Variants in GALNT10 observed in about 807,000 individuals in gnomAD.
The protein encoded by GALNT10 is polypeptide N-acetylgalactosaminyltransferase 10, also known as GalNAc transferase 10.
Under a neutral mutation model 75.0 loss-of-function variants are expected in GALNT10, and 41 were observed. The observed-to-expected ratio is 0.55, with a 90% CI of 0.43 to 0.71. The LOEUF is 0.71. GALNT10 is among the 30% of genes least tolerant of loss of function. GALNT10 has a pLI of 0.00. For synonymous variants in GALNT10, 302 were observed against 313.0 expected (o/e 0.96, Z 0.37); for missense variants, 727 against 818.5 (o/e 0.89, Z 1.36).
chr5:154,381,928 C>A lies in GALNT10; in HGVS notation c.938+1297C>A, dbSNP rs368018411. ...TCCATCAGGCTCGCCAAGATAACCT[C>A]CCCACCACAAGATCCTTAACCTTAA... On this transcript the variant is annotated intron_variant, in intron 6 of 11. Coordinates refer to ENST00000297107, the MANE Select transcript of GALNT10 (RefSeq NM_198321.4). Among the ~76,000 whole-genome samples, 8 of 152,340 alleles carry A rather than the reference C, an allele frequency of 5.3e-5. No homozygotes were observed. In the East Asian group the frequency reaches 1.2e-3, roughly 22 times the overall value.
intron 1 of GALNT10, among the ~76,000 whole-genome samples, chr5:154,293,613 A>ATTTTTTTTTTTTTTTTTTTTTTTTTTTTT (rs1201863629): frequency 9.1e-6 from 1 of 109,358 alleles, no homozygotes; most frequent in Non-Finnish European, 1.9e-5. Context: ...ATATATATAT[A>ATTTTTTTTTTTTTTTTTTTTTTTTTTTTT]TTTTTTTTTT....
At chr5:154,401,342 G>A (rs2113208196) in intron 7 of GALNT10, among the ~76,000 whole-genome samples, 1 of 152,330 alleles carries the variant, frequency 6.6e-6, no homozygotes, top group South Asian at 2.1e-4. Context: ...CAGAAATAGA[G>A]CAGGGTAAGG....
Position 154,298,120 on chromosome 5 carries a change from T to C in GALNT10, c.401+41T>C. 6.3e-7 allele frequency: 1 copy of C among 1,582,732 alleles called. No individual in the cohort carries two copies. Among genetic ancestry groups the C allele is most frequent in the East Asian group, 2.2e-5 (1 of 44,560 alleles). ...CTCAAATTCTGAGATCTAAGGATGT[T>C]TCCCTGGCTGTTGTTGAGAATTAAT... On this transcript the variant is annotated intron_variant, in intron 3 of 11. Transcript: ENST00000297107. The surrounding 1 kb of genome is among the most constrained non-coding windows in gnomAD (Gnocchi z 4.1).
chr5:154,277,854 C>T (rs1398347986), intron 1 of GALNT10, among the ~76,000 whole-genome samples: 1 of 152,206 alleles, frequency 6.6e-6, no homozygotes, highest in African/African-American at 2.4e-5. Flanking sequence ...CTTCTGGCTT[C>T]TGAGAATTTG....
chr5:154,338,250 C>A (rs1262623128), intron 4 of GALNT10: 2 of 718,642 alleles, frequency 2.8e-6, no homozygotes, highest in East Asian at 2.5e-5. Context: ...GCATAGGTGG[C>A]AAACCCACAG....
At chr5:154,378,215 A>T (rs1755686002) in intron 5 of GALNT10, among the ~76,000 whole-genome samples, 1 of 152,190 alleles carries the variant, frequency 6.6e-6, no homozygotes, top group Non-Finnish European at 1.5e-5. Flanking sequence ...TAACACCTCC[A>T]TGCATAGCTC....
At chr5:154,341,432 T>A (rs1346957735) in intron 4 of GALNT10, among the ~76,000 whole-genome samples, 1 of 152,236 alleles carries the variant, frequency 6.6e-6, no homozygotes, top group Non-Finnish European at 1.5e-5. Flanking sequence ...TTATTGGGCA[T>A]TGTTAATAAT....
intron 1 of GALNT10, among the ~76,000 whole-genome samples, chr5:154,284,012 C>T (rs1754079709): frequency 6.6e-6 from 1 of 152,118 alleles, no homozygotes; most frequent in African/African-American, 2.4e-5. Flanking sequence ...CTGCTTTTAC[C>T]CTGGTGCAAC....
intron 3 of GALNT10, among the ~76,000 whole-genome samples, chr5:154,326,818 A>T (rs1754763465): frequency 6.6e-6 from 1 of 152,196 alleles, no homozygotes; most frequent in Non-Finnish European, 1.5e-5. Flanking sequence ...GGAATTAGAC[A>T]GTGGTTATAT....
At chr5:154,206,959 G>A (rs1258888310) in intron 1 of GALNT10, among the ~76,000 whole-genome samples, 4 of 152,254 alleles carry the variant, frequency 2.6e-5, no homozygotes, top group African/African-American at 7.2e-5. Flanking sequence ...TTCATCCACT[G>A]TGCCTTTCTG....
chr5:154,415,785 A>G lies in GALNT10; in HGVS notation c.1506A>G (p.Val502=). ...ATTTATGATGCCCCTGTGCACAGGTATTCACCTTCACCTGGAGAGAGGACA... is the reference window on the plus strand; with the variant it reads ...ATTTATGATGCCCCTGTGCACAGGTGTTCACCTTCACCTGGAGAGAGGACA... ...RGEAAWNNMQ[V]FTFTWREDIR... Residue 502 remains valine, a splice_region_variant and synonymous_variant, in exon 11 of 12, where the codon GTA becomes GTG. Transcript: ENST00000297107. 1 of 1,613,882 alleles carries G rather than the reference A, an allele frequency of 6.2e-7. No homozygotes were observed. The highest frequency in any genetic ancestry group is 8.5e-7 in the Non-Finnish European group (1 of 1,179,790).
chr5:154,208,788 G>A lies in GALNT10; in HGVS notation c.159+17763G>A, dbSNP rs1388485125. On this transcript the variant is annotated intron_variant, in intron 1 of 11. Transcript: ENST00000297107. ...ATTTACTGTAACAGGAGATTAGAGC[G>A]ATGAAAATTGGCTATTAAGAAGTGA... Among the ~76,000 whole-genome samples the A allele has an allele frequency of 4.6e-5, 7 of 152,164 alleles. No homozygotes were observed. In the East Asian group the frequency reaches 5.8e-4, roughly 13 times the overall value.
intron 1 of GALNT10, among the ~76,000 whole-genome samples, chr5:154,215,037 C>G (rs1039338666): frequency 6.6e-6 from 1 of 152,118 alleles, no homozygotes; most frequent in Non-Finnish European, 1.5e-5. Context: ...GATATGACTG[C>G]ATATATGTAT....
At chr5:154,358,071 A>G (rs1047928323) in intron 4 of GALNT10, among the ~76,000 whole-genome samples, 4 of 152,202 alleles carry the variant, frequency 2.6e-5, no homozygotes, top group African/African-American at 7.2e-5. Flanking sequence ...AGGTATTGGT[A>G]CCTCTACCCG....
At chr5:154,244,105 C>T (rs889390489) in intron 1 of GALNT10, among the ~76,000 whole-genome samples, 1 of 152,164 alleles carries the variant, frequency 6.6e-6, no homozygotes, top group African/African-American at 2.4e-5. Flanking sequence ...TGCCATGTTC[C>T]GCAACCTGCA....
intron 1 of GALNT10, among the ~76,000 whole-genome samples, chr5:154,278,078 C>A (rs2113049141): frequency 6.6e-6 from 1 of 152,322 alleles, no homozygotes; most frequent in East Asian, 1.9e-4. Context: ...ACGGATGCTT[C>A]AGAAATTGAC....
chr5:154,205,554 T>C (rs12654449), intron 1 of GALNT10, among the ~76,000 whole-genome samples: 1 of 151,926 alleles, frequency 6.6e-6, no homozygotes, highest in African/African-American at 2.4e-5. Context: ...GGTTGAATCA[T>C]GTCTCTCAAA....
intron 1 of GALNT10, among the ~76,000 whole-genome samples, chr5:154,195,574 C>T (rs1468781576): frequency 3.9e-5 from 6 of 152,180 alleles, no homozygotes; most frequent in African/African-American, 1.4e-4. Flanking sequence ...TATATCAGAG[C>T]AGGCAGGGGG....
chr5:154,387,333 G>C (rs1472607895), intron 7 of GALNT10: 1 of 152,240 alleles, frequency 6.6e-6, no homozygotes, highest in Non-Finnish European at 1.5e-5. Context: ...GGGAGGGTTA[G>C]CTTGTCCCAT....
Sources: allele counts gnomAD v4.1 joint callset (sites outside exome capture counted in the v4.1 genomes callset), GRCh38; gene constraint gnomAD v4.1.1; non-coding constraint Gnocchi (gnomAD v3.1); transcripts MANE v1.5; gene names NCBI Gene and HGNC (gene_info 2026-07-23, HGNC 2026-07-21).